SLC3A1: variants seen among roughly 807,000 people sequenced by gnomAD.
SLC3A1 encodes the protein solute carrier family 3 member 1.
SLC3A1 carries 78 observed loss-of-function variants against 60.3 expected under a neutral mutation model. That is an observed-to-expected ratio of 1.29 (90% confidence interval 1.08 to 1.56). The LOEUF is 1.56. SLC3A1 is among the 40% of genes most tolerant of loss of function. SLC3A1 has a pLI of 0.00. For synonymous variants in SLC3A1, 392 were observed against 307.9 expected, an observed-to-expected ratio of 1.27 and a Z score of -2.86; for missense variants, 1,172 against 858.9, an observed-to-expected ratio of 1.36 and a Z score of -4.56.
intron 7 of SLC3A1, among the ~76,000 whole-genome samples, chr2:44,305,354 T>A (rs892376694): frequency 2.6e-4 from 40 of 152,120 alleles, no homozygotes; most frequent in African/African-American, 9.4e-4. Flanking sequence ...TGCTTCAAAG[T>A]CCCACGGTAA....
In SLC3A1 at chr2:44,300,987, G is replaced by A. The variant is rs374386683; in HGVS notation, c.1012-16G>A. On this transcript the variant is annotated splice_polypyrimidine_tract_variant and intron_variant, in intron 5 of 9. Coordinates refer to ENST00000260649, the MANE Select transcript of SLC3A1 (RefSeq NM_000341.4). ...TGTATGAAATGAGGGTAACCATGTC[G>A]TCCTGGTTTTCAAAGGACACGGTCA... 8.5e-5 allele frequency: 137 copies of A among 1,613,534 alleles called. No homozygotes were observed. The highest frequency in any genetic ancestry group is 6.3e-4 in the African/African-American group (47 of 74,890).
At chr2:44,309,534 T>A (rs1185880188) in intron 7 of SLC3A1, among the ~76,000 whole-genome samples, 2 of 152,192 alleles carry the variant, frequency 1.3e-5, no homozygotes, top group Admixed American at 6.5e-5. Context: ...AGTATCTGTT[T>A]AAGCCCCAGA....
chr2:44,310,692 A>ATT (rs34284291), intron 7 of SLC3A1, among the ~76,000 whole-genome samples: 1 of 148,120 alleles, frequency 6.8e-6, no homozygotes, highest in Non-Finnish European at 1.5e-5. Flanking sequence ...GTTGTTGGCT[A>ATT]TTTTTTTTTT....
At chr2:44,303,815 G>A (rs1672080518) in intron 6 of SLC3A1, 3 of 481,624 alleles carry the variant, frequency 6.2e-6, no homozygotes, top group Admixed American at 6.7e-5. Flanking sequence ...CCACCTATGA[G>A]TGAGAACATG....
Position 44,275,585 on chromosome 2 carries a change from G to C in SLC3A1, c.50G>C (p.Gly17Ala), listed in dbSNP as rs769462475. The C allele has an allele frequency of 5.0e-6, 8 of 1,614,048 alleles. No individual in the cohort carries two copies. The highest frequency in any genetic ancestry group is 1.6e-4 in the Middle Eastern group (1 of 6,084). Residue 17 changes from glycine (G) to alanine (A), a missense_variant, in exon 1 of 10, where the codon GGA (glycine) becomes GCA (alanine). By Grantham distance (60) the Gly-to-Ala change is moderately conservative. Transcript: ENST00000260649. ...GACTCCATCGAGATGAGTATGAAGG[G>C]ATGCCAGACAAACAACGGGTTTGTC... ...KRDSIEMSMKGCQTNNGFVHN... is the reference protein window; with the variant it reads ...KRDSIEMSMKACQTNNGFVHN...
At chr2:44,276,447 G>C (rs1015176592) in intron 1 of SLC3A1, among the ~76,000 whole-genome samples, 11 of 152,098 alleles carry the variant, frequency 7.2e-5, no homozygotes, top group Non-Finnish European at 1.3e-4. Flanking sequence ...AAAAAGTATA[G>C]GCTGAGTCTT....
intron 4 of SLC3A1, among the ~76,000 whole-genome samples, chr2:44,296,549 A>C (rs1671847803): frequency 6.6e-6 from 1 of 152,074 alleles, no homozygotes; most frequent in South Asian, 2.1e-4. Flanking sequence ...AGAGTTATTC[A>C]CCCCAGAACT....
At chr2:44,282,954 G>A (rs1290042940) in intron 3 of SLC3A1, among the ~76,000 whole-genome samples, 3 of 152,056 alleles carry the variant, frequency 2.0e-5, no homozygotes, top group African/African-American at 4.8e-5. Flanking sequence ...CACTGTGCCC[G>A]GCCACATGAG....
chr2:44,306,518 C>G (rs1388477816), intron 7 of SLC3A1, among the ~76,000 whole-genome samples: 2 of 147,448 alleles, frequency 1.4e-5, no homozygotes, highest in African/African-American at 5.0e-5. Context: ...TAAATAACAG[C>G]TTTGTCGAGA....
intron 7 of SLC3A1, 120 bp from the exon 8 acceptor site, chr2:44,312,466 G>A (rs1285976079): frequency 3.9e-6 from 4 of 1,037,912 alleles, no homozygotes; most frequent in African/African-American, 3.1e-5. Context: ...GTCCAGGCTT[G>A]CTAGTACCAA....
At chr2:44,281,310 C>G in intron 2 of SLC3A1, 77 bp from the exon 3 acceptor site, 1 of 1,294,346 alleles carries the variant, frequency 7.7e-7, no homozygotes, top group Non-Finnish European at 1.1e-6. Flanking sequence ...AGGCGTTAGC[C>G]ATTACTGTGC....
rs190562853 is a variant in SLC3A1, at chr2:44,299,273, A to T, written c.892-698A>T. ...AGGCTGGTGTCAAACTCCTGACCTC[A>T]GGTGATCCGCCTGCCTCGGCCTCCC... is the stretch of plus-strand genomic sequence containing the variant. On this transcript the variant is annotated intron_variant, in intron 4 of 9. Coordinates refer to ENST00000260649, the MANE Select transcript of SLC3A1 (RefSeq NM_000341.4). 3.5e-4 allele frequency among the ~76,000 whole-genome samples: 54 copies of T among 152,290 alleles called. No individual in the cohort carries two copies. The East Asian group carries it at 9.9e-3, about 28-fold the overall frequency.
At chr2:44,297,589 A>G (rs1217130239) in intron 4 of SLC3A1, among the ~76,000 whole-genome samples, 1 of 152,192 alleles carries the variant, frequency 6.6e-6, no homozygotes, top group Non-Finnish European at 1.5e-5. Context: ...TTAGGTAACC[A>G]TCCCTTGTCC....
intron 7 of SLC3A1, among the ~76,000 whole-genome samples, chr2:44,307,093 C>G (rs544187213): frequency 6.6e-6 from 1 of 152,266 alleles, no homozygotes; most frequent in East Asian, 1.9e-4. Flanking sequence ...ATAAATGGAG[C>G]TATACGATAT....
chr2:44,292,207 G>C lies in SLC3A1; in HGVS notation c.891+6050G>C, dbSNP rs1671755048. On this transcript the variant is annotated intron_variant, in intron 4 of 9. Transcript: ENST00000260649. ...GCCATATGGGAATGCTGAGCCCCAG[G>C]GTAGGGACTGCTGGGGAGACCCAGC... 3.9e-5 allele frequency among the ~76,000 whole-genome samples: 6 copies of C among 152,000 alleles called. No homozygotes were observed. In the South Asian group the frequency reaches 1.2e-3, roughly 32 times the overall value.
At chr2:44,276,682 T>C (rs904806465) in intron 1 of SLC3A1, among the ~76,000 whole-genome samples, 7 of 151,260 alleles carry the variant, frequency 4.6e-5, no homozygotes, top group Non-Finnish European at 5.9e-5. Context: ...TTAGGCAACA[T>C]AGGGAGACCC....
chr2:44,306,508 T>G (rs974974874), intron 7 of SLC3A1, among the ~76,000 whole-genome samples: 2 of 151,930 alleles, frequency 1.3e-5, no homozygotes, highest in East Asian at 3.9e-4. Context: ...ATACAATTTT[T>G]AAATAACAGC....
chr2:44,280,458 C>T lies in SLC3A1; in HGVS notation c.431-258C>T, dbSNP rs540320744. On this transcript the variant is annotated intron_variant, in intron 1 of 9. Coordinates refer to ENST00000260649, the MANE Select transcript of SLC3A1 (RefSeq NM_000341.4). ...TTTGTCATGTTGGCCAGGATGGTCT[C>T]GAGCTCTTGACCTTAGGTATCCTCC... 8.6e-5 allele frequency among the ~76,000 whole-genome samples: 13 copies of T among 151,966 alleles called. No homozygotes were observed. In the South Asian group the frequency reaches 1.5e-3, roughly 17 times the overall value.
chr2:44,313,600 A>G (rs887784689), intron 8 of SLC3A1, among the ~76,000 whole-genome samples: 1 of 152,236 alleles, frequency 6.6e-6, no homozygotes, highest in Non-Finnish European at 1.5e-5. Flanking sequence ...AGCATGTATT[A>G]AAGTTCGATT....
Sources: gnomAD v4.1 joint callset for allele counts (sites outside exome capture counted in the v4.1 genomes callset) on GRCh38, gnomAD v4.1.1 for gene constraint, MANE v1.5 for transcripts, NCBI Gene and HGNC (gene_info 2026-07-23, HGNC 2026-07-21) for gene names.